The following SLC7A2 variants were observed in gnomAD, a reference collection of about 807,000 sequenced individuals.
SLC7A2 encodes cationic amino acid transporter 2.
In SLC7A2, 48 loss-of-function variants were observed where a neutral mutation model predicts 58.9. The observed-to-expected ratio is 0.82, with a 90% CI of 0.65 to 1.04. SLC7A2 has a LOEUF of 1.04. Among genes scored for constraint, SLC7A2 ranks in the 50% least tolerant of loss-of-function variants. The pLI is 0.00. For synonymous variants in SLC7A2, 363 were observed against 314.5 expected, an observed-to-expected ratio of 1.15 and a Z score of -1.63; for missense variants, 1,029 against 818.8, an observed-to-expected ratio of 1.26 and a Z score of -3.13.
At chr8:17,505,878 C>A (rs1008959204) in intron 2 of SLC7A2, among the ~76,000 whole-genome samples, 2 of 151,870 alleles carry the variant, frequency 1.3e-5, no homozygotes, top group Non-Finnish European at 2.9e-5. Context: ...CCTTGCAGGG[C>A]CTTATCAGTT....
chr8:17,506,524 T>C (rs1489874778), intron 2 of SLC7A2, among the ~76,000 whole-genome samples: 1 of 152,200 alleles, frequency 6.6e-6, no homozygotes, highest in Non-Finnish European at 1.5e-5. Flanking sequence ...TGGACAGTTA[T>C]CAAGTTTCTG....
chr8:17,514,890 A>G (rs1290523296), intron 2 of SLC7A2, among the ~76,000 whole-genome samples: 2 of 152,134 alleles, frequency 1.3e-5, no homozygotes, highest in East Asian at 3.8e-4. Context: ...GAATATGAAT[A>G]TTTCTGGTAT....
In SLC7A2 at chr8:17,562,077, G is replaced by A; in HGVS notation, c.1638G>A (p.Arg546=). The A allele has an allele frequency of 3.1e-6, 5 of 1,613,782 alleles. No homozygotes were observed. Among genetic ancestry groups the A allele is most frequent in the Non-Finnish European group, 4.2e-6 (5 of 1,179,984 alleles). ...LFVAIVLTIW[R]QPQNQQKVAF... Reference sequence around the variant, plus strand: ...TTGCCATCGTTCTCACCATCTGGAGGCAGCCCCAGAATCAGCAAAAAGTAG... The same window carrying A: ...TTGCCATCGTTCTCACCATCTGGAGACAGCCCCAGAATCAGCAAAAAGTAG... Residue 546 remains arginine, a synonymous_variant, in exon 11 of 13, where the codon AGG becomes AGA. Transcript: ENST00000494857.
At chr8:17,551,415 A>G (rs541313061) in intron 6 of SLC7A2, among the ~76,000 whole-genome samples, 1 of 152,300 alleles carries the variant, frequency 6.6e-6, no homozygotes, top group South Asian at 2.1e-4. Flanking sequence ...ACTGGCCAAC[A>G]TGGTGCAAAC....
chr8:17,510,550 T>C (rs1047203889), intron 2 of SLC7A2: 3 of 152,198 alleles, frequency 2.0e-5, no homozygotes, highest in African/African-American at 2.4e-5. Context: ...TGGTATCTCA[T>C]TGTGGTTTTG....
At chr8:17,496,871 G>T (rs974132659), upstream of SLC7A2, among the ~76,000 whole-genome samples, 7 of 151,922 alleles carry the variant, frequency 4.6e-5, no homozygotes, top group Non-Finnish European at 7.4e-5. Flanking sequence ...GGCCTAGCCC[G>T]GGGCTAGCGC....
chr8:17,495,606 G>T (rs1295044606), upstream of SLC7A2, among the ~76,000 whole-genome samples: 3 of 152,282 alleles, frequency 2.0e-5, no homozygotes, highest in East Asian at 3.9e-4. Context: ...CTGGACTGTA[G>T]TGGCACTATC....
intron 2 of SLC7A2, among the ~76,000 whole-genome samples, chr8:17,533,426 C>T (rs140205516): frequency 1.2e-4 from 18 of 152,296 alleles, no homozygotes; most frequent in African/African-American, 4.3e-4. Context: ...AATGTGAATT[C>T]TGGTTAAATT....
chr8:17,541,951 G>A (rs1431057036), intron 2 of SLC7A2, among the ~76,000 whole-genome samples: 1 of 151,880 alleles, frequency 6.6e-6, no homozygotes, highest in African/African-American at 2.4e-5. Flanking sequence ...CAGGAGGTGG[G>A]GAGTGTGACT....
intron 2 of SLC7A2, among the ~76,000 whole-genome samples, chr8:17,517,013 G>A (rs561806948): frequency 2.0e-5 from 3 of 152,164 alleles, no homozygotes; most frequent in Non-Finnish European, 2.9e-5. Flanking sequence ...CAGAAAAGTT[G>A]CAGAAGCAGG....
chr8:17,558,418 A>T, intron 9 of SLC7A2, 21 bp downstream of exon 9: 1 of 1,497,278 alleles, frequency 6.7e-7, no homozygotes, highest in Non-Finnish European at 9.3e-7. Context: ...TGGTGGTTCT[A>T]CAGGGTGTAC....
chr8:17,508,248 A>G (rs1256010038), intron 2 of SLC7A2, among the ~76,000 whole-genome samples: 2 of 152,216 alleles, frequency 1.3e-5, no homozygotes, highest in Non-Finnish European at 2.9e-5. Context: ...AATGGATCAC[A>G]TGAACTTTTT....
At chr8:17,547,886 G>A (rs995329482) in intron 4 of SLC7A2, among the ~76,000 whole-genome samples, 3 of 151,292 alleles carry the variant, frequency 2.0e-5, no homozygotes, top group Non-Finnish European at 2.9e-5. Context: ...TGTCTTCAAA[G>A]TACTTGAATA....
intron 8 of SLC7A2, chr8:17,555,013 A>G: frequency 1.2e-6 from 2 of 1,613,972 alleles, no homozygotes; most frequent in South Asian, 2.2e-5. Flanking sequence ...CTTACTGTTT[A>G]GATTTCTTGC....
At chr8:17,494,637 C>G (rs1799915464), upstream of SLC7A2, among the ~76,000 whole-genome samples, 1 of 152,184 alleles carries the variant, frequency 6.6e-6, no homozygotes, top group South Asian at 2.1e-4. Context: ...TCTATTTTCT[C>G]TTGTCTCATA....
chr8:17,516,026 C>T (rs1800790049), intron 2 of SLC7A2, among the ~76,000 whole-genome samples: 2 of 152,096 alleles, frequency 1.3e-5, no homozygotes, highest in African/African-American at 4.8e-5. Flanking sequence ...TGCCTTCCTA[C>T]ATCTTGCCAT....
Position 17,548,855 on chromosome 8 carries a change from G to C in SLC7A2, c.698+12G>C, listed in dbSNP as rs1191875635. 6.9e-7 allele frequency: 1 copy of C among 1,449,040 alleles called. No homozygotes were observed. The highest frequency in any genetic ancestry group is 9.0e-7 in the Non-Finnish European group (1 of 1,106,402). The allele number at this position is 1,449,040 out of a possible 1,614,324, so 89.8% of individuals were successfully genotyped here. ...TCAGCAAGTGCCAGGTAAAATATTT[G>C]AGGTTTTTTTTTTTCTCCTTCTTGT... On this transcript the variant is annotated intron_variant, in intron 5 of 12. Transcript: ENST00000494857.
intron 2 of SLC7A2, among the ~76,000 whole-genome samples, chr8:17,511,581 C>T (rs1800606826): frequency 6.6e-6 from 1 of 152,162 alleles, no homozygotes; most frequent in Admixed American, 6.5e-5. Context: ...AGAATTCAGT[C>T]AGTTCAGTTC....
upstream of SLC7A2, among the ~76,000 whole-genome samples, chr8:17,496,914 C>G (rs759385326): frequency 7.9e-5 from 12 of 151,760 alleles, no homozygotes; most frequent in African/African-American, 2.4e-4. Flanking sequence ...AGGCAAACCC[C>G]GCTGAGCAGC....
Sources: gnomAD v4.1 joint callset for allele counts (sites outside exome capture counted in the v4.1 genomes callset) on GRCh38, gnomAD v4.1.1 for gene constraint, MANE v1.5 for transcripts, NCBI Gene and HGNC (gene_info 2026-07-23, HGNC 2026-07-21) for gene names.